Variants in ADH7 observed in about 807,000 individuals in gnomAD.
The protein encoded by ADH7 is alcohol dehydrogenase 7 (class IV), mu or sigma polypeptide.
ADH7 carries 41 observed loss-of-function variants against 34.4 expected under a neutral mutation model. That is an observed-to-expected ratio of 1.19 (90% CI 0.93 to 1.55). ADH7 has a LOEUF of 1.55. Ranked by LOEUF, ADH7 falls within the 40% of genes most tolerant of loss-of-function variation. The pLI, the probability that ADH7 is intolerant of heterozygous loss-of-function variation, is 0.00. For synonymous variants in ADH7, 180 were observed against 160.9 expected, an observed-to-expected ratio of 1.12 and a Z score of -0.90; for missense variants, 540 against 461.2, an observed-to-expected ratio of 1.17 and a Z score of -1.56.
At chr4:99,423,928 G>T (rs1290435908) in intron 5 of ADH7, among the ~76,000 whole-genome samples, 2 of 151,840 alleles carry the variant, frequency 1.3e-5, no homozygotes, top group African/African-American at 4.8e-5. Context: ...ATTGCTTTTG[G>T]TGTTTTAGAC....
chr4:99,435,129 T>G, intron 1 of ADH7, 87 bp downstream of exon 1: 1 of 1,561,358 alleles, frequency 6.4e-7, no homozygotes, highest in Non-Finnish European at 8.7e-7. Context: ...CTCCAAGTGT[T>G]TAATTACTTT....
intron 7 of ADH7, chr4:99,415,822 G>C (rs1721503726): frequency 7.6e-6 from 3 of 392,258 alleles, no homozygotes; most frequent in Non-Finnish European, 1.4e-5. Context: ...GTCCTTTGCA[G>C]GGACATGGAT....
intron 6 of ADH7, 118 bp downstream of exon 6, chr4:99,420,415 T>C: frequency 3.3e-6 from 4 of 1,219,484 alleles, no homozygotes; most frequent in Non-Finnish European, 4.5e-6. Flanking sequence ...TGAGTAAAAC[T>C]GACTATCGCA....
At position 99,430,954 on chromosome 4, in the gene ADH7, G is replaced by A. The variant is rs945073881; in HGVS notation, c.19-1321C>T. ...TGAGACTACAGGTGTGTGCCACCAC[G>A]CCCAGCTAATATGTTTTTGTATTTT... On this transcript the variant is annotated intron_variant, in intron 1 of 8. Transcript: ENST00000437033. 3.3e-5 allele frequency among the ~76,000 whole-genome samples: 5 copies of A among 152,066 alleles called. No homozygotes were observed. In the East Asian group the frequency reaches 7.7e-4, roughly 24 times the overall value.
chr4:99,423,715 T>C (rs1455065656), intron 5 of ADH7, among the ~76,000 whole-genome samples: 2 of 152,182 alleles, frequency 1.3e-5, no homozygotes, highest in Admixed American at 6.5e-5. Context: ...GCCCACTTTT[T>C]GATGGGGTTG....
chr4:99,428,146 T>C lies in ADH7; in HGVS notation c.288A>G (p.Pro96=), dbSNP rs758000460. ...GACAAGCATTGCATTCTCTACATTG[T>C]GGCAGAAAGAGAGGGATGACTTTGT... ...PGDKVIPLFL[P]QCRECNACRN... The change falls in exon 4 of 9, where the codon CCA becomes CCG. Residue 96 remains proline, a synonymous_variant. Coordinates refer to ENST00000437033, the MANE Select transcript of ADH7 (RefSeq NM_000673.7). 80 of 1,613,950 alleles carry C rather than the reference T, an allele frequency of 5.0e-5. No homozygotes were observed. Among genetic ancestry groups the C allele is most frequent in the Non-Finnish European group, 6.7e-5 (79 of 1,179,882 alleles).
intron 5 of ADH7, among the ~76,000 whole-genome samples, chr4:99,426,419 A>C (rs1393007597): frequency 6.6e-6 from 1 of 152,204 alleles, no homozygotes; most frequent in Non-Finnish European, 1.5e-5. Context: ...CCATCAGAGA[A>C]TACTACAAAC....
intron 5 of ADH7, among the ~76,000 whole-genome samples, chr4:99,426,439 C>T (rs963493571): frequency 5.3e-5 from 8 of 152,234 alleles, no homozygotes; most frequent in African/African-American, 1.9e-4. Context: ...CACCTCTACG[C>T]AAATAAACTA....
intron 5 of ADH7, among the ~76,000 whole-genome samples, chr4:99,424,072 G>T (rs2110137108): frequency 6.6e-6 from 1 of 152,026 alleles, no homozygotes; most frequent in South Asian, 2.1e-4. Context: ...GTAAGGAAGG[G>T]ATCCAGTTTC....
In ADH7 at chr4:99,429,510, G is replaced by A. The variant is rs756969963; in HGVS notation, c.120+22C>T. ...AAGTTTGATAACGCTTTTGGCTTAAGTTCTCTAGGGCTCACGCTTACCTTA... is the reference window on the plus strand; with the variant it reads ...AAGTTTGATAACGCTTTTGGCTTAAATTCTCTAGGGCTCACGCTTACCTTA... On this transcript the variant is annotated intron_variant, in intron 2 of 8. Transcript: ENST00000437033. 1.9e-6 allele frequency: 3 copies of A among 1,579,458 alleles called. No homozygotes were observed. In the South Asian group the frequency reaches 3.4e-5, roughly 18 times the overall value.
intron 5 of ADH7, among the ~76,000 whole-genome samples, chr4:99,426,268 G>A (rs562803109): frequency 6.6e-4 from 101 of 152,274 alleles, no homozygotes; most frequent in African/African-American, 1.9e-3. Flanking sequence ...AATGAATCAT[G>A]GAGCTGGTGT....
At position 99,419,120 on chromosome 4, in the gene ADH7, A is replaced by G. The variant is rs758813649; in HGVS notation, c.827T>C (p.Ile276Thr). The change falls in exon 7 of 9, where the codon ATT becomes ACT. Residue 276 changes from isoleucine (I) to threonine (T), a missense_variant and splice_region_variant. Coordinates refer to ENST00000437033, the MANE Select transcript of ADH7 (RefSeq NM_000673.7). ...FEVIGHLETMIDALASCHMNY... is the reference protein window; with the variant it reads ...FEVIGHLETMTDALASCHMNY... Reference sequence around the variant, plus strand: ...CATGTGGCAGGATGCCAGGGCATCAATCTGAGTTTAAAACGGAGGAGATCG... The same window carrying G: ...CATGTGGCAGGATGCCAGGGCATCAGTCTGAGTTTAAAACGGAGGAGATCG... 1.5e-5 allele frequency: 25 copies of G among 1,613,390 alleles called. No individual in the cohort carries two copies. The South Asian group carries it at 2.4e-4, about 16-fold the overall frequency.
intron 5 of ADH7, among the ~76,000 whole-genome samples, chr4:99,425,356 T>C (rs1436962388): frequency 1.3e-5 from 2 of 151,738 alleles, no homozygotes; most frequent in South Asian, 2.1e-4. Flanking sequence ...AATAAAAGGA[T>C]GGAGGAAGAT....
At chr4:99,417,138 T>C (rs1359110318) in intron 7 of ADH7, among the ~76,000 whole-genome samples, 1 of 152,004 alleles carries the variant, frequency 6.6e-6, no homozygotes, top group African/African-American at 2.4e-5. Context: ...CCATTTAGAG[T>C]ATTCCCCATA....
intron 3 of ADH7, 149 bp downstream of exon 3, chr4:99,428,343 C>A: frequency 8.1e-7 from 1 of 1,236,512 alleles, no homozygotes; most frequent in Non-Finnish European, 1.1e-6. Context: ...CCAAATTAAA[C>A]ATTACTCAGT....
intron 7 of ADH7, among the ~76,000 whole-genome samples, chr4:99,416,043 G>A (rs1265904139): frequency 6.6e-6 from 1 of 152,056 alleles, no homozygotes; most frequent in Non-Finnish European, 1.5e-5. Flanking sequence ...AAACCTAGAT[G>A]ATGGGTTGAT....
chr4:99,429,635 T>G lies in ADH7; in HGVS notation c.19-2A>C. The G allele has an allele frequency of 6.2e-7, 1 of 1,603,422 alleles. No individual in the cohort carries two copies. The highest frequency in any genetic ancestry group is 8.5e-7 in the Non-Finnish European group (1 of 1,173,144). On this transcript the variant is annotated splice_acceptor_variant, in intron 1 of 8. Transcript: ENST00000437033. LOFTEE classifies it high-confidence loss of function. ...CACAGCTGCTTTGCATTTAATAACC[T>G]AAGAAATAGGCAAGTATTATAATGG...
intron 5 of ADH7, among the ~76,000 whole-genome samples, chr4:99,423,221 GGC>G (rs915885065): frequency 6.7e-6 from 1 of 149,330 alleles, no homozygotes; most frequent in Admixed American, 6.7e-5. Context: ...CATTTTTTAT[GGC>G]TGCATAGTAT....
At position 99,420,593 on chromosome 4, in the gene ADH7, T is replaced by G; in HGVS notation, c.765A>C (p.Ser255=). 6.2e-7 allele frequency: 1 copy of G among 1,613,980 alleles called. No homozygotes were observed. The highest frequency in any genetic ancestry group is 8.5e-7 in the Non-Finnish European group (1 of 1,179,932). Residue 255 remains serine (S), a synonymous_variant, in exon 6 of 9, where the codon TCA becomes TCC. Transcript: ENST00000437033. ...ATCCCACGTTGTTGCCTGTCATTTC[T>G]GACAGCACCTCACTGATGGGTTTGG... ...DSTKPISEVL[S]EMTGNNVGYT...
Sources: gnomAD v4.1 joint callset for allele counts (sites outside exome capture counted in the v4.1 genomes callset) on GRCh38, gnomAD v4.1.1 for gene constraint, MANE v1.5 for transcripts, NCBI Gene and HGNC (gene_info 2026-07-23, HGNC 2026-07-21) for gene names.